ADD3: variants seen among roughly 807,000 people sequenced by gnomAD.
The protein encoded by ADD3 is adducin 3.
Under a neutral mutation model 80.2 loss-of-function variants are expected in ADD3, and 25 were observed. The ratio of observed to expected loss-of-function variants is 0.31; its 90% CI spans 0.23 to 0.44. The LOEUF is 0.44. Among genes scored for constraint, ADD3 ranks in the 20% least tolerant of loss-of-function variants. The pLI is 1.00. For missense variants in ADD3, 829 were observed against 847.5 expected (o/e 0.98, Z 0.27); for synonymous variants, 284 against 289.6 (o/e 0.98, Z 0.20).
At chr10:110,071,296 T>C (rs932552484) in intron 1 of ADD3, among the ~76,000 whole-genome samples, 1 of 152,114 alleles carries the variant, frequency 6.6e-6, no homozygotes, top group African/African-American at 2.4e-5. Context: ...GGGAGAGGGT[T>C]TCAGTCCAAC....
intron 2 of ADD3, 65 bp from the exon 3 acceptor site, chr10:110,112,712 T>C: frequency 6.5e-7 from 1 of 1,544,576 alleles, no homozygotes; most frequent in Middle Eastern, 1.7e-4. Flanking sequence ...ATTGATTGTA[T>C]CGGAACAAGT....
At chr10:110,029,860 C>G (rs561104328) in intron 1 of ADD3, among the ~76,000 whole-genome samples, 15 of 152,124 alleles carry the variant, frequency 9.9e-5, no homozygotes, top group Non-Finnish European at 2.1e-4. Context: ...CCTGACAAAT[C>G]AGATATAAAG....
At chr10:110,046,733 A>C (rs1856952660) in intron 1 of ADD3, among the ~76,000 whole-genome samples, 1 of 152,214 alleles carries the variant, frequency 6.6e-6, no homozygotes, top group Non-Finnish European at 1.5e-5. Flanking sequence ...AGTGGTGAGT[A>C]TTAAGTACGA....
chr10:110,094,273 A>G (rs896609782), intron 1 of ADD3, among the ~76,000 whole-genome samples: 12 of 152,134 alleles, frequency 7.9e-5, no homozygotes, highest in Non-Finnish European at 1.3e-4. Context: ...TTATGGGGCA[A>G]TCTGGATGAC....
intron 9 of ADD3, chr10:110,123,796 A>C: frequency 4.5e-5 from 22 of 490,764 alleles, no homozygotes; most frequent in Middle Eastern, 5.6e-4. Context: ...TGTGAGTGGA[A>C]ATTGCAATAT....
chr10:110,117,879 G>C (rs775969749), intron 5 of ADD3, among the ~76,000 whole-genome samples: 9 of 151,988 alleles, frequency 5.9e-5, no homozygotes, highest in Non-Finnish European at 1.3e-4. Context: ...AGCTGGGCGT[G>C]GTGGCACACA....
chr10:110,084,589 ACT>A (rs367653933), intron 1 of ADD3, among the ~76,000 whole-genome samples: 1 of 152,070 alleles, frequency 6.6e-6, no homozygotes, highest in East Asian at 1.9e-4. Flanking sequence ...GGGACACGTC[ACT>A]CTCTCTCTCA....
chr10:110,133,203 G>A (rs1258508179), intron 14 of ADD3, 123 bp from the exon 15 acceptor site: 2 of 909,914 alleles, frequency 2.2e-6, no homozygotes, highest in Non-Finnish European at 3.1e-6. Flanking sequence ...TTAAAATAAT[G>A]ATCTGTCTTC....
chr10:110,073,495 C>T (rs2133677369), intron 1 of ADD3, among the ~76,000 whole-genome samples: 1 of 152,286 alleles, frequency 6.6e-6, no homozygotes, highest in African/African-American at 2.4e-5. Context: ...GATAGGGTTG[C>T]TGTGGAAGTA....
At chr10:109,997,680 T>C (rs1396990134) in intron 1 of ADD3, 2 of 152,252 alleles carry the variant, frequency 1.3e-5, no homozygotes, top group Non-Finnish European at 2.9e-5. Flanking sequence ...GGGAATGCCA[T>C]TGAATTCTTA....
At position 110,124,139 on chromosome 10, in the gene ADD3, C is replaced by T. The variant is rs1425861340; in HGVS notation, c.1266C>T (p.Leu422=). The T allele has an allele frequency of 1.2e-6, 2 of 1,614,158 alleles. No homozygotes were observed. Among genetic ancestry groups the T allele is most frequent in the Non-Finnish European group, 1.7e-6 (2 of 1,180,006 alleles). Residue 422 remains leucine, a synonymous_variant, in exon 10 of 15, where the codon CTC becomes CTT. Transcript: ENST00000356080. ...AFSFEDDTVP[L]SPLKYMAQRQ... ...CCTTTGAAGACGATACAGTGCCACT[C>T]TCTCCTCTCAAATACATGGCACAGA... is the stretch of plus-strand genomic sequence containing the variant.
At chr10:110,086,208 A>G (rs12250703) in intron 1 of ADD3, among the ~76,000 whole-genome samples, 18,656 of 152,020 alleles carry the variant, frequency 0.12, 3,673 homozygotes, top group African/African-American at 0.42. Context: ...TCAGGAGGTC[A>G]AGACCATCCT....
chr10:110,002,071 T>C (rs550950724), upstream of ADD3, among the ~76,000 whole-genome samples: 3 of 152,164 alleles, frequency 2.0e-5, no homozygotes, highest in East Asian at 5.9e-4. Context: ...AGTGGGCAGA[T>C]CGCTCGAGGC....
chr10:110,132,417 C>A lies in ADD3; in HGVS notation c.1828+17C>A, dbSNP rs565965615. Reference sequence around the variant, plus strand: ...AATTAGAAGGTACTCAATGTAATTTCCCACATAGCATTCACTGAGTTAGTC... The same window carrying A: ...AATTAGAAGGTACTCAATGTAATTTACCACATAGCATTCACTGAGTTAGTC... On this transcript the variant is annotated intron_variant, in intron 14 of 14. Coordinates refer to ENST00000356080, the MANE Select transcript of ADD3 (RefSeq NM_016824.5). The A allele has an allele frequency of 7.2e-6, 11 of 1,535,844 alleles. No individual in the cohort carries two copies. The South Asian group carries it at 1.1e-4, about 16-fold the overall frequency.
upstream of ADD3, among the ~76,000 whole-genome samples, chr10:110,002,816 T>C (rs557632813): frequency 1.3e-5 from 2 of 152,374 alleles, no homozygotes; most frequent in African/African-American, 2.4e-5. Flanking sequence ...TAAACAGTTG[T>C]ATAAAGATCT....
chr10:110,002,939 G>A (rs182316292), upstream of ADD3, among the ~76,000 whole-genome samples: 221 of 152,268 alleles, frequency 1.5e-3, no homozygotes, highest in South Asian at 3.3e-3. Context: ...TCTCCTTGGG[G>A]AATGGAGAAC....
At chr10:110,112,494 T>A (rs142345511) in intron 2 of ADD3, 2 of 262,380 alleles carry the variant, frequency 7.6e-6, no homozygotes, top group South Asian at 9.5e-5. Flanking sequence ...TTGAGTTGTA[T>A]ATTAATAAGA....
Position 110,068,688 on chromosome 10 carries a change from T to G in ADD3, c.-29-31937T>G, listed in dbSNP as rs888172451. Among the ~76,000 whole-genome samples the G allele has an allele frequency of 7.9e-4, 120 of 152,318 alleles. 1 individual carries two copies. Among genetic ancestry groups the G allele is most frequent in the African/African-American group, 2.8e-3 (116 of 41,570 alleles). On this transcript the variant is annotated intron_variant, in intron 1 of 14. Transcript: ENST00000356080. ...GAACGTTTTGAAAGGCAAAAGGATT[T>G]TTTCTTTTTTGTCAAAGTTTAGATG...
rs138443686 is a variant in ADD3, at chr10:110,125,918, G to A, written c.1494G>A (p.Pro498=). 1.6e-5 allele frequency: 25 copies of A among 1,607,788 alleles called. No homozygotes were observed. In the African/African-American group the frequency reaches 1.7e-4, roughly 11 times the overall value. The change falls in exon 11 of 15, where the codon CCG becomes CCA. Residue 498 remains proline, a synonymous_variant. Coordinates refer to ENST00000356080, the MANE Select transcript of ADD3 (RefSeq NM_016824.5). ...AGTTTGTTCCTTTAAACACAAACCCGAATGAGGTACTAGAAAAGAGAAATA... is the reference window on the plus strand; with the variant it reads ...AGTTTGTTCCTTTAAACACAAACCCAAATGAGGTACTAGAAAAGAGAAATA... ...PNQFVPLNTN[P]NEVLEKRNKI...
Sources: allele counts gnomAD v4.1 joint callset (sites outside exome capture counted in the v4.1 genomes callset), GRCh38; gene constraint gnomAD v4.1.1; transcripts MANE v1.5; gene names NCBI Gene and HGNC (gene_info 2026-07-23, HGNC 2026-07-21).